Variants in ZNF804A observed in about 807,000 individuals in gnomAD.
ZNF804A encodes zinc finger protein 804A.
A neutral mutation model predicts 16.5 loss-of-function variants in ZNF804A; 2 were observed. The ratio of observed to expected loss-of-function variants is 0.12; its 90% confidence interval spans 0.05 to 0.38. ZNF804A has a LOEUF of 0.38. Among genes scored for constraint, ZNF804A ranks in the 10% least tolerant of loss-of-function variants. The pLI, the probability that ZNF804A is intolerant of heterozygous loss-of-function variation, is 0.99. For missense variants in ZNF804A, 1,473 were observed against 1,390.7 expected (o/e 1.06, Z -0.94); for synonymous variants, 534 against 489.6 (o/e 1.09, Z -1.20).
chr2:184,933,545 C>T (rs1450425321), intron 2 of ZNF804A, 58 bp from the exon 3 acceptor site: 9 of 1,498,414 alleles, frequency 6.0e-6, no homozygotes, highest in African/African-American at 1.4e-5. Context: ...AACAATGAAA[C>T]TTTAAAACTA....
intron 2 of ZNF804A, among the ~76,000 whole-genome samples, chr2:184,900,302 G>T (rs996650028): frequency 6.6e-6 from 1 of 152,028 alleles, no homozygotes; most frequent in African/African-American, 2.4e-5. Context: ...TAGGTACAGT[G>T]CCCCCCTTGA....
At chr2:184,724,597 C>G (rs1693374499) in intron 1 of ZNF804A, among the ~76,000 whole-genome samples, 1 of 151,620 alleles carries the variant, frequency 6.6e-6, no homozygotes, top group African/African-American at 2.4e-5. Flanking sequence ...ATATTAGTCA[C>G]TGAATAATAG....
intron 1 of ZNF804A, among the ~76,000 whole-genome samples, chr2:184,754,542 A>ATGTTT (rs1693928686): frequency 6.6e-6 from 1 of 151,806 alleles, no homozygotes; most frequent in Admixed American, 6.6e-5. Flanking sequence ...TTCTTTATAA[A>ATGTTT]TGTTTTTTAA....
At chr2:184,623,875 G>T (rs558190437) in intron 1 of ZNF804A, among the ~76,000 whole-genome samples, 1 of 152,150 alleles carries the variant, frequency 6.6e-6, no homozygotes, top group African/African-American at 2.4e-5. Flanking sequence ...TCCTTACTCA[G>T]ATTATAACAT....
At chr2:184,774,301 G>C (rs970184385) in intron 1 of ZNF804A, among the ~76,000 whole-genome samples, 1 of 151,800 alleles carries the variant, frequency 6.6e-6, no homozygotes, top group Non-Finnish European at 1.5e-5. Context: ...TAATGTCCAG[G>C]TTGGCAAACA....
At chr2:184,798,607 T>C (rs1268848584) in intron 1 of ZNF804A, among the ~76,000 whole-genome samples, 1 of 152,200 alleles carries the variant, frequency 6.6e-6, no homozygotes, top group Non-Finnish European at 1.5e-5. Context: ...TTCTTTATGC[T>C]ATTTCCTTGA....
At chr2:184,613,786 G>C (rs997545749) in intron 1 of ZNF804A, among the ~76,000 whole-genome samples, 1 of 151,956 alleles carries the variant, frequency 6.6e-6, no homozygotes, top group African/African-American at 2.4e-5. Flanking sequence ...AATAAGAGAG[G>C]ACACAAACAA....
intron 1 of ZNF804A, among the ~76,000 whole-genome samples, chr2:184,704,452 A>G (rs1692986368): frequency 6.6e-6 from 1 of 152,178 alleles, no homozygotes. Context: ...TAAAAAGAAT[A>G]TAGGTAGAAT....
intron 2 of ZNF804A, among the ~76,000 whole-genome samples, chr2:184,900,828 AG>A (rs1048653971): frequency 1.7e-4 from 26 of 152,254 alleles, no homozygotes; most frequent in African/African-American, 6.0e-4. Context: ...AGTGCTCCCA[AG>A]GGGGGTAATA....
intron 1 of ZNF804A, among the ~76,000 whole-genome samples, chr2:184,721,904 A>T (rs1433270936): frequency 2.6e-5 from 4 of 152,160 alleles, no homozygotes; most frequent in Non-Finnish European, 5.9e-5. Flanking sequence ...ATTCTAGGTC[A>T]TAAAAAAATG....
At position 184,821,788 on chromosome 2, in the gene ZNF804A, A is replaced by T. The variant is rs545799633; in HGVS notation, c.112-44581A>T. On this transcript the variant is annotated intron_variant, in intron 1 of 3. Transcript: ENST00000302277. The stretch of plus-strand genomic sequence containing the variant: ...ATATACTTCTCAAAAGAAGACATTT[A>T]TGCGGCCAACAAACATGAAAAAAAG... 2.9e-4 allele frequency among the ~76,000 whole-genome samples: 44 copies of T among 152,302 alleles called. No individual in the cohort carries two copies. The South Asian group carries it at 7.9e-3, about 27-fold the overall frequency.
At chr2:184,759,223 A>G (rs1259641227) in intron 1 of ZNF804A, among the ~76,000 whole-genome samples, 1 of 151,638 alleles carries the variant, frequency 6.6e-6, no homozygotes, top group African/African-American at 2.4e-5. Context: ...ATTGAAAAAA[A>G]AATATGGACA....
intron 1 of ZNF804A, among the ~76,000 whole-genome samples, chr2:184,660,645 C>T (rs191950286): frequency 1.3e-5 from 2 of 152,318 alleles, no homozygotes; most frequent in East Asian, 3.9e-4. Flanking sequence ...TGTGAAGATT[C>T]AAAGAGCCAT....
At chr2:184,808,471 T>A (rs923084659) in intron 1 of ZNF804A, among the ~76,000 whole-genome samples, 1 of 151,660 alleles carries the variant, frequency 6.6e-6, no homozygotes, top group Non-Finnish European at 1.5e-5. Flanking sequence ...GAAATGTGAA[T>A]CTCTTATATT....
chr2:184,733,557 T>A (rs928815984), intron 1 of ZNF804A, among the ~76,000 whole-genome samples: 5 of 152,276 alleles, frequency 3.3e-5, no homozygotes, highest in African/African-American at 1.2e-4. Flanking sequence ...GAAACTTCCT[T>A]CTGCTTTGAT....
chr2:184,856,460 G>A (rs1448409757), intron 1 of ZNF804A, among the ~76,000 whole-genome samples: 1 of 152,048 alleles, frequency 6.6e-6, no homozygotes, highest in East Asian at 1.9e-4. Context: ...ATTTACACAA[G>A]TATTCTGGGG....
chr2:184,919,520 T>A (rs1559002702), intron 2 of ZNF804A, among the ~76,000 whole-genome samples: 1 of 152,196 alleles, frequency 6.6e-6, no homozygotes, highest in Non-Finnish European at 1.5e-5. Flanking sequence ...TTATTAAAAT[T>A]CTTCTCTGCT....
intron 2 of ZNF804A, among the ~76,000 whole-genome samples, chr2:184,871,275 G>T (rs191307574): frequency 6.6e-6 from 1 of 151,902 alleles, no homozygotes; most frequent in African/African-American, 2.4e-5. Context: ...GAGTGAAATT[G>T]AATGAAGAGT....
chr2:184,602,848 T>G (rs1483407938), intron 1 of ZNF804A, among the ~76,000 whole-genome samples: 1 of 152,126 alleles, frequency 6.6e-6, no homozygotes, highest in African/African-American at 2.4e-5. Context: ...CATATTTCCT[T>G]TATAATTTAT....
Sources: gnomAD v4.1 joint callset for allele counts (sites outside exome capture counted in the v4.1 genomes callset) on GRCh38, gnomAD v4.1.1 for gene constraint, MANE v1.5 for transcripts, NCBI Gene and HGNC (gene_info 2026-07-23, HGNC 2026-07-21) for gene names.